The following MOB4 variants were observed in gnomAD, a reference collection of about 807,000 sequenced individuals.
MOB4 encodes the protein MOB family member 4, phocein, also known as MOB-like protein phocein.
MOB4 carries 4 observed loss-of-function variants against 32.2 expected under a neutral mutation model. The observed-to-expected ratio is 0.12, with a 90% CI of 0.06 to 0.28. The LOEUF (loss-of-function observed/expected upper bound fraction) is 0.28, where lower values mean the gene tolerates loss of function less well. MOB4 is among the 10% of genes least tolerant of loss of function. The pLI is 1.00. For missense variants in MOB4, 158 were observed against 271.2 expected (o/e 0.58, Z 2.93); for synonymous variants, 88 against 88.1 (o/e 1.00, Z 0.01).
chr2:197,529,510 GC>G (rs2106114818), intron 2 of MOB4, among the ~76,000 whole-genome samples: 1 of 149,914 alleles, frequency 6.7e-6, no homozygotes, highest in Non-Finnish European at 1.5e-5. Flanking sequence ...TGCCGCCACA[GC>G]CGCCTCATTT....
intron 5 of MOB4, among the ~76,000 whole-genome samples, chr2:197,544,039 C>T (rs1412453833): frequency 1.3e-5 from 2 of 150,764 alleles, no homozygotes; most frequent in Non-Finnish European, 3.0e-5. Flanking sequence ...TGCGCCCAGC[C>T]GAGTTTCTTT....
Position 197,543,662 on chromosome 2 carries a change from T to C in MOB4, c.354+3225T>C, listed in dbSNP as rs79834682. 4.0e-3 allele frequency among the ~76,000 whole-genome samples: 605 copies of C among 152,304 alleles called. 4 individuals carry two copies. Among genetic ancestry groups the C allele is most frequent in the African/African-American group, 0.013 (559 of 41,578 alleles). Reference sequence around the variant, plus strand: ...CTTATCTAGAGTGAATAAATTCATATAGACATTTGAAGGTAGGTAGAAGCT... The same window carrying C: ...CTTATCTAGAGTGAATAAATTCATACAGACATTTGAAGGTAGGTAGAAGCT... On this transcript the variant is annotated intron_variant, in intron 5 of 7. Transcript: ENST00000323303.
chr2:197,533,743 A>G, intron 2 of MOB4: 1 of 349,846 alleles, frequency 2.9e-6, no homozygotes, highest in South Asian at 2.6e-5. Context: ...AAAAAAAAAA[A>G]AAAGTATTTG....
chr2:197,521,890 C>T (rs1471894775), intron 1 of MOB4, among the ~76,000 whole-genome samples: 2 of 152,112 alleles, frequency 1.3e-5, no homozygotes, highest in Non-Finnish European at 2.9e-5. Context: ...GCAGTTAACA[C>T]AATTATCACA....
At chr2:197,520,893 TAAAAAAAAAAAAAA>T (rs77272123) in intron 1 of MOB4, among the ~76,000 whole-genome samples, 1 of 107,902 alleles carries the variant, frequency 9.3e-6, no homozygotes, top group Non-Finnish European at 1.9e-5. Context: ...CCTCGTCTCT[TAAAAAAAAAAAAAA>T]AAAAAAAAAA....
chr2:197,548,339 C>A lies in MOB4; in HGVS notation c.358C>A (p.Pro120Thr), dbSNP rs770126587. The A allele has an allele frequency of 6.2e-7, 1 of 1,604,916 alleles. No individual in the cohort carries two copies. Among genetic ancestry groups the A allele is most frequent in the Admixed American group, 1.7e-5 (1 of 59,024 alleles). The change falls in exon 6 of 8, where the codon CCT (proline) becomes ACT (threonine). Residue 120 changes from proline (P) to threonine (T), a missense_variant. By Grantham distance (38) the Pro-to-Thr change is conservative. Coordinates refer to ENST00000323303, the MANE Select transcript of MOB4 (RefSeq NM_015387.5). ...TTCTATATTCTTTCTTTTGTAGTGT[C>A]CTGCTATAGACTATACTAGACACAC... ...CAAHKTPKEC[P>T]AIDYTRHTLD...
intron 2 of MOB4, among the ~76,000 whole-genome samples, chr2:197,531,835 G>A (rs542663437): frequency 1.3e-5 from 2 of 152,006 alleles, no homozygotes; most frequent in Admixed American, 6.6e-5. Context: ...GAGCCACCTC[G>A]TCCAGCCTTC....
chr2:197,534,166 A>C (rs1362004623), intron 2 of MOB4, among the ~76,000 whole-genome samples: 7 of 152,156 alleles, frequency 4.6e-5, no homozygotes, highest in Admixed American at 4.6e-4. Context: ...TGGAAAAAAA[A>C]GTTTTTGAGT....
chr2:197,532,472 A>G (rs571400998), intron 2 of MOB4, among the ~76,000 whole-genome samples: 1 of 152,040 alleles, frequency 6.6e-6, no homozygotes, highest in Non-Finnish European at 1.5e-5. Flanking sequence ...CCAGGAGTTC[A>G]AAACTAGCTT....
At chr2:197,546,047 C>CTTTTTAT (rs1215496206) in intron 5 of MOB4, among the ~76,000 whole-genome samples, 1 of 151,888 alleles carries the variant, frequency 6.6e-6, no homozygotes, top group Admixed American at 6.6e-5. Context: ...TTCACGTTAC[C>CTTTTTAT]TTTTTATTTT....
chr2:197,516,264 T>C, intron 1 of MOB4, 118 bp downstream of exon 1: 1 of 1,483,172 alleles, frequency 6.7e-7, no homozygotes, highest in Admixed American at 2.7e-5. Context: ...GCTGGGGCAC[T>C]GGTGCCCGGC....
intron 1 of MOB4, among the ~76,000 whole-genome samples, chr2:197,522,828 A>C (rs1478032126): frequency 6.6e-6 from 1 of 151,974 alleles, no homozygotes; most frequent in Non-Finnish European, 1.5e-5. Flanking sequence ...CATCCTGGCC[A>C]ACATGGTGAA....
chr2:197,544,154 C>T (rs2086949597), intron 5 of MOB4, among the ~76,000 whole-genome samples: 1 of 152,180 alleles, frequency 6.6e-6, no homozygotes. Context: ...CTCACTGTAG[C>T]CCCCACCTCC....
At chr2:197,546,997 G>T (rs1416527685) in intron 5 of MOB4, among the ~76,000 whole-genome samples, 1 of 152,172 alleles carries the variant, frequency 6.6e-6, no homozygotes, top group Non-Finnish European at 1.5e-5. Flanking sequence ...TGTAAACCCA[G>T]CACTTTGGGA....
chr2:197,526,321 T>A (rs902489627), intron 2 of MOB4, among the ~76,000 whole-genome samples: 2 of 152,234 alleles, frequency 1.3e-5, no homozygotes, highest in East Asian at 1.9e-4. Context: ...TTACTTTTTT[T>A]ATTTTTTTAT....
intron 5 of MOB4, among the ~76,000 whole-genome samples, chr2:197,543,786 T>C (rs894179458): frequency 3.3e-5 from 5 of 152,218 alleles, no homozygotes; most frequent in African/African-American, 1.2e-4. Flanking sequence ...TTGCCCAGGC[T>C]GGAGTTCAGT....
At chr2:197,544,644 T>C (rs546423570) in intron 5 of MOB4, among the ~76,000 whole-genome samples, 1 of 151,868 alleles carries the variant, frequency 6.6e-6, no homozygotes, top group South Asian at 2.1e-4. Flanking sequence ...TCTCAGCTAC[T>C]TGGGAGGCTG....
At chr2:197,518,482 G>A (rs545043903) in intron 1 of MOB4, among the ~76,000 whole-genome samples, 10 of 149,962 alleles carry the variant, frequency 6.7e-5, no homozygotes, top group East Asian at 4.0e-4. Context: ...GGCTGGTCTC[G>A]AACTCCTGAC....
chr2:197,551,018 T>C lies in MOB4; in HGVS notation c.*372T>C, dbSNP rs1455589084. The C allele has an allele frequency of 6.5e-6, 1 of 153,806 alleles. No homozygotes were observed. The highest frequency in any genetic ancestry group is 1.4e-5 in the Non-Finnish European group (1 of 68,988). 9.5% of individuals were successfully genotyped at this position (153,806 alleles called of 1,614,324 possible). A position where few individuals can be genotyped will look rare whatever the true frequency, so the allele number is the denominator to read the frequency against. On this transcript the variant is annotated 3_prime_UTR_variant, in exon 8 of 8. Coordinates refer to ENST00000323303, the MANE Select transcript of MOB4 (RefSeq NM_015387.5). Reference sequence around the variant, plus strand: ...TCACACAAGCCATTTACTAAAGAGGTAGAAATGTTTTCTATTGGTTTTACC... The same window carrying C: ...TCACACAAGCCATTTACTAAAGAGGCAGAAATGTTTTCTATTGGTTTTACC...
Sources: allele counts gnomAD v4.1 joint callset (sites outside exome capture counted in the v4.1 genomes callset), GRCh38; gene constraint gnomAD v4.1.1; transcripts MANE v1.5; gene names NCBI Gene and HGNC (gene_info 2026-07-23, HGNC 2026-07-21).